RAP1GAP2: variants seen among roughly 807,000 people sequenced by gnomAD.
RAP1GAP2 encodes the protein RAP1 GTPase activating protein 2, also known as rap1 GTPase-activating protein 2.
A neutral mutation model predicts 95.0 loss-of-function variants in RAP1GAP2; 27 were observed. The ratio of observed to expected loss-of-function variants is 0.28; its 90% CI spans 0.21 to 0.39. RAP1GAP2 has a LOEUF of 0.39. Ranked by LOEUF, RAP1GAP2 falls within the 10% of genes least tolerant of loss-of-function variation. The probability of loss-of-function intolerance (pLI) is 1.00; values close to 1 mark genes in which losing one functional copy is unlikely to be tolerated. For missense variants in RAP1GAP2, 771 were observed against 970.0 expected (o/e 0.79, Z 2.72); for synonymous variants, 373 against 380.9 (o/e 0.98, Z 0.24).
intron 7 of RAP1GAP2, 88 bp downstream of exon 7, chr17:2,964,156 G>A: frequency 7.7e-7 from 1 of 1,305,086 alleles, no homozygotes; most frequent in Non-Finnish European, 1.1e-6. Context: ...TAGGGGATGG[G>A]GAGAGGTTGA....
intron 14 of RAP1GAP2, among the ~76,000 whole-genome samples, chr17:3,002,368 G>T (rs540435716): frequency 6.6e-6 from 1 of 152,172 alleles, no homozygotes; most frequent in Non-Finnish European, 1.5e-5. Context: ...TACCTTGATC[G>T]TGCACTCCAC....
chr17:3,020,348 C>A, intron 18 of RAP1GAP2, 129 bp from the exon 19 acceptor site: 1 of 708,584 alleles, frequency 1.4e-6, no homozygotes, highest in Non-Finnish European at 2.5e-6. Context: ...TCTCAACCTT[C>A]CTAGCTGTCT....
intron 3 of RAP1GAP2, among the ~76,000 whole-genome samples, chr17:2,924,430 A>T (rs1367812707): frequency 6.6e-6 from 1 of 152,102 alleles, no homozygotes; most frequent in African/African-American, 2.4e-5. Flanking sequence ...GAAATGTCAG[A>T]TGTTAATAGG....
intron 13 of RAP1GAP2, among the ~76,000 whole-genome samples, chr17:2,997,794 G>C (rs1202984751): frequency 6.6e-6 from 1 of 151,830 alleles, no homozygotes; most frequent in African/African-American, 2.4e-5. Flanking sequence ...GTAGTGTCAC[G>C]CGTCTGTAAT....
chr17:2,945,869 A>G (rs891327734), intron 3 of RAP1GAP2, among the ~76,000 whole-genome samples: 1 of 151,768 alleles, frequency 6.6e-6, no homozygotes, highest in Admixed American at 6.6e-5. Context: ...GGCTCACTGC[A>G]ACCTCTTTCC....
At chr17:2,879,356 T>G (rs2151663181) in intron 2 of RAP1GAP2, among the ~76,000 whole-genome samples, 1 of 151,776 alleles carries the variant, frequency 6.6e-6, no homozygotes, top group Admixed American at 6.6e-5. Context: ...CCTCAAGTGA[T>G]CCACCCGCCT....
chr17:2,912,329 G>A (rs1462446407), intron 3 of RAP1GAP2, among the ~76,000 whole-genome samples: 1 of 152,158 alleles, frequency 6.6e-6, no homozygotes, highest in African/African-American at 2.4e-5. Flanking sequence ...GTTCCAGCTT[G>A]TAGCACAGCC....
chr17:2,998,285 C>T lies in RAP1GAP2; in HGVS notation c.1109C>T (p.Pro370Leu), dbSNP rs773353846. 4.3e-6 allele frequency: 7 copies of T among 1,613,852 alleles called. No homozygotes were observed. Among genetic ancestry groups the T allele is most frequent in the Non-Finnish European group, 5.9e-6 (7 of 1,179,838 alleles). Residue 370 changes from proline to leucine, a missense_variant, in exon 14 of 25, where the codon CCG becomes CTG. Coordinates refer to ENST00000254695, the MANE Select transcript of RAP1GAP2 (RefSeq NM_015085.5). ...VAIIFQEENTPFVPDMIASNF... is the reference protein window; with the variant it reads ...VAIIFQEENTLFVPDMIASNF... ...ATCATCTTCCAAGAGGAAAACACGC[C>T]GTTTGTCCCAGACATGATAGCCTCC...
chr17:2,954,094 C>G (rs927015788), intron 3 of RAP1GAP2, among the ~76,000 whole-genome samples: 2 of 152,072 alleles, frequency 1.3e-5, no homozygotes, highest in African/African-American at 4.8e-5. Flanking sequence ...TCCTTTATCT[C>G]TGACTTTTGT....
At chr17:3,009,562 C>G (rs529605893) in intron 17 of RAP1GAP2, among the ~76,000 whole-genome samples, 165 of 152,298 alleles carry the variant, frequency 1.1e-3, no homozygotes, top group African/African-American at 3.8e-3. Context: ...AAGATTCCAC[C>G]CGCACTAGCC....
chr17:2,905,448 GC>G, intron 3 of RAP1GAP2, 80 bp downstream of exon 3: 1 of 1,404,828 alleles, frequency 7.1e-7, no homozygotes, highest in South Asian at 1.2e-5. Context: ...TTGGCTCCAG[GC>G]CCAGCAGCGT....
Position 2,796,709 on chromosome 17 carries a change from C to G in RAP1GAP2, c.44+138C>G. On this transcript the variant is annotated intron_variant, in intron 1 of 24. Coordinates refer to ENST00000254695, the MANE Select transcript of RAP1GAP2 (RefSeq NM_015085.5). The surrounding 1 kb of genome is among the most constrained non-coding windows in gnomAD (Gnocchi z 4.7). ...TGGGTCTGCTGACGCCCTGGCAGGT[C>G]GAGATGCAGGATCCTGGTGGGGACA... 3 of 968,162 alleles carry G rather than the reference C, an allele frequency of 3.1e-6. No homozygotes were observed. Among genetic ancestry groups the G allele is most frequent in the South Asian group, 1.5e-5 (1 of 68,702 alleles). 60.0% of individuals were successfully genotyped at this position (968,162 alleles called of 1,614,324 possible). A position where few individuals can be genotyped will look rare whatever the true frequency, so the allele number is the denominator to read the frequency against.
At chr17:2,844,018 A>T (rs1410376058) in intron 2 of RAP1GAP2, among the ~76,000 whole-genome samples, 1 of 151,320 alleles carries the variant, frequency 6.6e-6, no homozygotes, top group African/African-American at 2.4e-5. Flanking sequence ...TTTTATTTTT[A>T]TTTTTATTTA....
intron 19 of RAP1GAP2, among the ~76,000 whole-genome samples, chr17:3,021,456 T>C (rs1188514863): frequency 2.5e-4 from 19 of 77,354 alleles, no homozygotes; most frequent in Non-Finnish European, 4.7e-4. Flanking sequence ...TTTTTTTTTT[T>C]GAGACAGAGT....
Position 2,995,356 on chromosome 17 carries a change from G to A in RAP1GAP2, c.934G>A (p.Val312Met), listed in dbSNP as rs1423706108. The change falls in exon 13 of 25, where the codon GTG (valine) becomes ATG (methionine). Residue 312 changes from valine to methionine, a missense_variant. Val to Met is a conservative substitution (Grantham distance 21). Transcript: ENST00000254695. Reference sequence around the variant, plus strand: ...TGACAGTTTCCGAGGAGGCCTGGACGTGACCCACGGACAGACAGGGGTGGA... The same window carrying A: ...TGACAGTTTCCGAGGAGGCCTGGACATGACCCACGGACAGACAGGGGTGGA... ...DFKGFRGGLDVTHGQTGVESV... is the reference protein window; with the variant it reads ...DFKGFRGGLDMTHGQTGVESV... The A allele has an allele frequency of 2.5e-6, 4 of 1,613,658 alleles. No individual in the cohort carries two copies. Among genetic ancestry groups the A allele is most frequent in the African/African-American group, 2.7e-5 (2 of 74,934 alleles).
At chr17:2,757,932 C>T (rs1009089223) in intron 1 of RAP1GAP2, among the ~76,000 whole-genome samples, 17 of 151,330 alleles carry the variant, frequency 1.1e-4, no homozygotes, top group South Asian at 2.1e-4. Context: ...TGGAGTGGCG[C>T]GATCTCGGCT....
At chr17:2,892,433 A>G (rs757022321) in intron 2 of RAP1GAP2, among the ~76,000 whole-genome samples, 11 of 152,124 alleles carry the variant, frequency 7.2e-5, no homozygotes, top group Middle Eastern at 6.8e-3. Flanking sequence ...TGCTTTCACA[A>G]CGTCTGGGGA....
chr17:3,028,775 A>T (rs999112813), intron 22 of RAP1GAP2, among the ~76,000 whole-genome samples: 2 of 152,070 alleles, frequency 1.3e-5, no homozygotes, highest in Non-Finnish European at 2.9e-5. Flanking sequence ...CAGTTTCCTC[A>T]TCTGTAAAAG....
At chr17:2,894,133 AAAGTT>A (rs1337903286) in intron 2 of RAP1GAP2, among the ~76,000 whole-genome samples, 1 of 151,150 alleles carries the variant, frequency 6.6e-6, no homozygotes, top group Non-Finnish European at 1.5e-5. Flanking sequence ...GAAAAAAAAA[AAAGTT>A]AGGCTGGGCA....
Sources: allele counts gnomAD v4.1 joint callset (sites outside exome capture counted in the v4.1 genomes callset), GRCh38; gene constraint gnomAD v4.1.1; non-coding constraint Gnocchi (gnomAD v3.1); transcripts MANE v1.5; gene names NCBI Gene and HGNC (gene_info 2026-07-23, HGNC 2026-07-21).